The following GSG1L2 variants were observed in gnomAD, a reference collection of about 807,000 sequenced individuals.
GSG1L2 encodes the protein germ cell-specific gene 1-like protein 2.
A neutral mutation model predicts 9.0 loss-of-function variants in GSG1L2; 15 were observed. That is an observed-to-expected ratio of 1.67 (90% CI 1.12 to 2.57). The LOEUF is 2.57. GSG1L2 is among the 30% of genes most tolerant of loss of function. GSG1L2 has a pLI of 0.00. For synonymous variants in GSG1L2, 127 were observed against 57.9 expected (o/e 2.19, Z -5.41); for missense variants, 286 against 150.3 (o/e 1.90, Z -4.72).
At chr17:9,803,199 T>C (rs898481449) in intron 4 of GSG1L2, among the ~76,000 whole-genome samples, 3 of 150,058 alleles carry the variant, frequency 2.0e-5, no homozygotes, top group Non-Finnish European at 3.0e-5. Context: ...TGCCTCCCGG[T>C]TCAAGCAATT....
At chr17:9,816,922 G>GTCTA (rs879662274) in intron 1 of GSG1L2, among the ~76,000 whole-genome samples, 1 of 148,786 alleles carries the variant, frequency 6.7e-6, no homozygotes. Flanking sequence ...GTGTGTGTGT[G>GTCTA]TGTGTGTGTG....
intron 4 of GSG1L2, chr17:9,804,275 G>A (rs2066509143): frequency 6.6e-6 from 1 of 152,186 alleles, no homozygotes. Flanking sequence ...AGAACCTTGA[G>A]GCACAAATAC....
intron 1 of GSG1L2, among the ~76,000 whole-genome samples, chr17:9,816,681 G>A (rs923119301): frequency 6.6e-6 from 1 of 150,504 alleles, no homozygotes; most frequent in Non-Finnish European, 1.5e-5. Flanking sequence ...GTCTGTGTGT[G>A]TGTGTCTGTG....
chr17:9,816,574 C>G (rs1428387479), intron 1 of GSG1L2, among the ~76,000 whole-genome samples: 6 of 141,076 alleles, frequency 4.3e-5, no homozygotes, highest in African/African-American at 1.6e-4. Flanking sequence ...ATATCTGTGT[C>G]TGTGTGTGCA....
chr17:9,810,732 T>C, intron 1 of GSG1L2, 114 bp from the exon 2 acceptor site: 1 of 677,370 alleles, frequency 1.5e-6, no homozygotes, highest in Non-Finnish European at 2.7e-6. Context: ...CAGACTGCTT[T>C]ACTGCTCAGG....
intron 4 of GSG1L2, 143 bp downstream of exon 4, chr17:9,807,347 T>C (rs1182159233): frequency 3.2e-6 from 2 of 622,892 alleles, no homozygotes; most frequent in Admixed American, 2.4e-5. Context: ...GGGCTACAGA[T>C]GGGTCACAGA....
In GSG1L2 at chr17:9,801,209, T is replaced by A. The variant is rs1250658270; in HGVS notation, c.*1177A>T. Among the ~76,000 whole-genome samples the A allele has an allele frequency of 1.3e-5, 2 of 152,084 alleles. No homozygotes were observed. Among genetic ancestry groups the A allele is most frequent in the African/African-American group, 4.8e-5 (2 of 41,404 alleles). ...AGTTTGCAGTCCCTTTCTTTTCTTT[T>A]TCTTTTTCTTTTTTTTGAGACAGGG... On this transcript the variant is annotated 3_prime_UTR_variant, in exon 5 of 5. Transcript: ENST00000399363.
chr17:9,814,059 C>G (rs1398000991), intron 1 of GSG1L2, among the ~76,000 whole-genome samples: 1 of 151,666 alleles, frequency 6.6e-6, no homozygotes, highest in Non-Finnish European at 1.5e-5. Context: ...CTCAGCCTCC[C>G]AAGTAGCTGG....
intron 1 of GSG1L2, among the ~76,000 whole-genome samples, chr17:9,818,193 G>C (rs2066574926): frequency 6.6e-6 from 1 of 152,182 alleles, no homozygotes; most frequent in Non-Finnish European, 1.5e-5. Flanking sequence ...ACTGGCATCT[G>C]CTCAGCTTCT....
chr17:9,810,888 G>T lies in GSG1L2; in HGVS notation c.311-270C>A, dbSNP rs1032758575. 6.1e-6 allele frequency: 3 copies of T among 491,134 alleles called. No homozygotes were observed. In the Admixed American group the frequency reaches 1.1e-4, roughly 18 times the overall value. The allele number at this position is 491,134 out of a possible 1,614,324, so 30.4% of individuals were successfully genotyped here. A position where few individuals can be genotyped will look rare whatever the true frequency, so the allele number is the denominator to read the frequency against. ...TTTAAGAGCCAGTGTCTTTTCCCTT[G>T]GTTCCTGTTCCCTTGCTCTGTAATC... On this transcript the variant is annotated intron_variant, in intron 1 of 4. Coordinates refer to ENST00000399363, the MANE Select transcript of GSG1L2 (RefSeq NM_001310219.2).
intron 1 of GSG1L2, among the ~76,000 whole-genome samples, chr17:9,816,704 C>T (rs190161023): frequency 0.011 from 1,306 of 121,466 alleles, 25 homozygotes; most frequent in African/African-American, 0.04. Flanking sequence ...TGTGTGCATG[C>T]GTGTCTGTGT....
At chr17:9,816,757 CTGTGTCTG>C (rs1567711436) in intron 1 of GSG1L2, among the ~76,000 whole-genome samples, 10 of 94,588 alleles carry the variant, frequency 1.1e-4, no homozygotes, top group African/African-American at 2.9e-4. Context: ...GTGTGTGTAT[CTGTGTCTG>C]TGTGTGCGTG....
Position 9,821,977 on chromosome 17 carries a change from C to T in GSG1L2, c.95G>A (p.Cys32Tyr). The change falls in exon 1 of 5, where the codon TGT (cysteine) becomes TAT (tyrosine). Residue 32 changes from cysteine to tyrosine, a missense_variant. Transcript: ENST00000399363. Reference sequence around the variant, plus strand: ...CTTCACCACCCGTCGGGTCCCCTCACACCAGTGGCTGCTGACCACGGCGGT... The same window carrying T: ...CTTCACCACCCGTCGGGTCCCCTCATACCAGTGGCTGCTGACCACGGCGGT... The part of the protein sequence containing the change: ...SLTAVVSSHW[C>Y]EGTRRVVKPL... 1.4e-6 allele frequency: 1 copy of T among 703,126 alleles called. No individual in the cohort carries two copies. Among genetic ancestry groups the T allele is most frequent in the Non-Finnish European group, 2.6e-6 (1 of 385,026 alleles). The allele number at this position is 703,126 out of a possible 1,614,324, so 43.6% of individuals were successfully genotyped here.
In GSG1L2 at chr17:9,802,343, C is replaced by G; in HGVS notation, c.*43G>C. On this transcript the variant is annotated 3_prime_UTR_variant, in exon 5 of 5. Transcript: ENST00000399363. ...GGGTGTACATTGTGAGTGTCAGTGCCTGGCTTGTTTGCCTGTGCGGATGTG... is the reference window on the plus strand; with the variant it reads ...GGGTGTACATTGTGAGTGTCAGTGCGTGGCTTGTTTGCCTGTGCGGATGTG... 1 of 616,086 alleles carries G rather than the reference C, an allele frequency of 1.6e-6. No individual in the cohort carries two copies. The highest frequency in any genetic ancestry group is 2.9e-6 in the Non-Finnish European group (1 of 341,478). The allele number at this position is 616,086 out of a possible 1,614,324, so 38.2% of individuals were successfully genotyped here. A position where few individuals can be genotyped will look rare whatever the true frequency, so the allele number is the denominator to read the frequency against.
chr17:9,816,763 C>A (rs1275588266), intron 1 of GSG1L2, among the ~76,000 whole-genome samples: 4 of 145,382 alleles, frequency 2.8e-5, no homozygotes, highest in East Asian at 2.0e-4. Flanking sequence ...GTATCTGTGT[C>A]TGTGTGTGCG....
Position 9,808,966 on chromosome 17 carries a change from G to A in GSG1L2, c.375C>T (p.Ser125=). 1 of 702,994 alleles carries A rather than the reference G, an allele frequency of 1.4e-6. No individual in the cohort carries two copies. The highest frequency in any genetic ancestry group is 1.5e-5 in the South Asian group (1 of 67,598). 43.5% of individuals were successfully genotyped at this position (702,994 alleles called of 1,614,324 possible). A position where few individuals can be genotyped will look rare whatever the true frequency, so the allele number is the denominator to read the frequency against. The change falls in exon 3 of 5, where the codon TCC becomes TCT. Residue 125 remains serine, a synonymous_variant. Coordinates refer to ENST00000399363, the MANE Select transcript of GSG1L2 (RefSeq NM_001310219.2). ...PAEEQGVLWL[S]IGGEVLDIVL... is the part of the protein sequence containing the mutation. The stretch of plus-strand genomic sequence containing the variant: ...CGATATCCAGGACCTCGCCCCCGAT[G>A]GACAGCCACAAAACACCTGCCAAAG...
rs1367395262 is a variant in GSG1L2 at position 9,820,272 on chromosome 17, T to C, written c.310+1490A>G. 6.6e-6 allele frequency among the ~76,000 whole-genome samples: 1 copy of C among 152,180 alleles called. No homozygotes were observed. Among genetic ancestry groups the C allele is most frequent in the Non-Finnish European group, 1.5e-5 (1 of 68,036 alleles). ...TAGAGCTGTGGAAACAGAAGTACTA[T>C]AGGCAGTCCTCATATGAGAACTTGG... is the stretch of plus-strand genomic sequence containing the variant. On this transcript the variant is annotated intron_variant, in intron 1 of 4. Transcript: ENST00000399363. This position sits in a 1 kb window ranked among gnomAD's most constrained non-coding sequence, Gnocchi z 4.9.
At position 9,802,603 on chromosome 17, in the gene GSG1L2, A is replaced by T; in HGVS notation, c.665T>A (p.Val222Asp). 1 of 702,660 alleles carries T rather than the reference A, an allele frequency of 1.4e-6. No homozygotes were observed. Among genetic ancestry groups the T allele is most frequent in the Middle Eastern group, 2.3e-4 (1 of 4,370 alleles). 43.5% of individuals were successfully genotyped at this position (702,660 alleles called of 1,614,324 possible). ...GSFALCLAVS[V>D]SAMSRFTAAR... ...TGCCGTGAACCTGCTCATGGCCGAG[A>T]CCGACACAGCCAGGCAGAGGGCGAA... Residue 222 changes from valine (V) to aspartate (D), a missense_variant, in exon 5 of 5, where the codon GTC (valine) becomes GAC (aspartate). By Grantham distance (152) the Val-to-Asp change is radical. Coordinates refer to ENST00000399363, the MANE Select transcript of GSG1L2 (RefSeq NM_001310219.2).
At chr17:9,811,359 C>T (rs918795594) in intron 1 of GSG1L2, among the ~76,000 whole-genome samples, 13 of 152,298 alleles carry the variant, frequency 8.5e-5, no homozygotes, top group African/African-American at 2.9e-4. Context: ...CAGAAGCCGC[C>T]ACCAGACTCA....
Sources: gnomAD v4.1 joint callset for allele counts (sites outside exome capture counted in the v4.1 genomes callset) on GRCh38, gnomAD v4.1.1 for gene constraint, Gnocchi (gnomAD v3.1) non-coding constraint, MANE v1.5 for transcripts, NCBI Gene and HGNC (gene_info 2026-07-23, HGNC 2026-07-21) for gene names.